Variants in B3GALT1 observed in about 807,000 individuals in gnomAD.
B3GALT1 encodes UDP-Gal:betaGlcNAc beta 1,3-galactosyltransferase, polypeptide 1.
In B3GALT1, 10 loss-of-function variants were observed where a neutral mutation model predicts 23.2. The ratio of observed to expected loss-of-function variants is 0.43; its 90% CI spans 0.27 to 0.73. The LOEUF is 0.73. Among genes scored for constraint, B3GALT1 ranks in the 30% least tolerant of loss-of-function variants. The pLI is 0.21. For missense variants in B3GALT1, 299 were observed against 405.4 expected (o/e 0.74, Z 2.25); for synonymous variants, 156 against 141.5 (o/e 1.10, Z -0.73).
At chr2:167,512,570 A>ATATATATGTATATATATATG (rs1553463251) in intron 2 of B3GALT1, among the ~76,000 whole-genome samples, 1 of 91,162 alleles carries the variant, frequency 1.1e-5, no homozygotes, top group African/African-American at 4.8e-5. Context: ...ATATATATGT[A>ATATATATGTATATATATATG]TATATATATG....
intron 3 of B3GALT1, among the ~76,000 whole-genome samples, chr2:167,802,774 A>T (rs907163778): frequency 6.6e-6 from 1 of 152,220 alleles, no homozygotes; most frequent in Non-Finnish European, 1.5e-5. Flanking sequence ...CAACGCATGT[A>T]ATCCAAGAAG....
intron 3 of B3GALT1, among the ~76,000 whole-genome samples, chr2:167,654,293 G>A (rs921924127): frequency 6.6e-5 from 10 of 152,014 alleles, no homozygotes; most frequent in African/African-American, 1.2e-4. Context: ...GTCTCTCATC[G>A]GGTAGGACTA....
chr2:167,574,993 T>C lies in B3GALT1; in HGVS notation c.-409-71916T>C, dbSNP rs147394832. ...CCTAAATGCAGACTTTACAGCATAA[T>C]GTCTCTAGAATTAGATGGTCTATAC... On this transcript the variant is annotated intron_variant, in intron 2 of 4. Coordinates refer to ENST00000392690, the MANE Select transcript of B3GALT1 (RefSeq NM_020981.4). 7.5e-3 allele frequency among the ~76,000 whole-genome samples: 1,138 copies of C among 151,862 alleles called. 18 individuals carry two copies. The highest frequency in any genetic ancestry group is 0.025 in the African/African-American group (1,039 of 41,532).
intron 1 of B3GALT1, among the ~76,000 whole-genome samples, chr2:167,421,486 T>C (rs1369935407): frequency 6.6e-6 from 1 of 152,190 alleles, no homozygotes; most frequent in East Asian, 1.9e-4. Flanking sequence ...GTAGTTACTC[T>C]TTATAGGTAG....
intron 3 of B3GALT1, among the ~76,000 whole-genome samples, chr2:167,679,686 T>G (rs1289207669): frequency 1.3e-5 from 2 of 152,350 alleles, no homozygotes; most frequent in African/African-American, 4.8e-5. Flanking sequence ...TTTTACTAAC[T>G]GAATGACAGT....
intron 1 of B3GALT1, among the ~76,000 whole-genome samples, chr2:167,371,764 A>G (rs1697690334): frequency 6.6e-6 from 1 of 151,936 alleles, no homozygotes; most frequent in Non-Finnish European, 1.5e-5. Context: ...TGATCTATAT[A>G]TGTTTTTAAT....
chr2:167,575,586 C>T (rs1329787532), intron 2 of B3GALT1, among the ~76,000 whole-genome samples: 1 of 151,782 alleles, frequency 6.6e-6, no homozygotes. Context: ...TCTGCTTAAC[C>T]AGATTATCAT....
intron 3 of B3GALT1, among the ~76,000 whole-genome samples, chr2:167,755,892 T>C (rs7599585): frequency 0.044 from 6,727 of 151,908 alleles, 545 homozygotes; most frequent in African/African-American, 0.15. Flanking sequence ...GGAATATCAT[T>C]AGAGGCCAGG....
intron 2 of B3GALT1, among the ~76,000 whole-genome samples, chr2:167,536,764 C>T (rs930737211): frequency 1.3e-5 from 2 of 152,140 alleles, no homozygotes; most frequent in Admixed American, 1.3e-4. Flanking sequence ...TACCCAGGCC[C>T]CTCCACTCTG....
chr2:167,516,795 C>T (rs1700104944), intron 2 of B3GALT1, among the ~76,000 whole-genome samples: 1 of 151,908 alleles, frequency 6.6e-6, no homozygotes, highest in South Asian at 2.1e-4. Flanking sequence ...ACATGTAATG[C>T]TGCAGCCATA....
At chr2:167,677,740 C>T (rs1158589101) in intron 3 of B3GALT1, among the ~76,000 whole-genome samples, 2 of 152,142 alleles carry the variant, frequency 1.3e-5, no homozygotes, top group East Asian at 3.9e-4. Context: ...GCTATAAGGA[C>T]CTACCCAAGA....
chr2:167,321,077 T>A (rs72886309), intron 1 of B3GALT1, among the ~76,000 whole-genome samples: 1 of 152,014 alleles, frequency 6.6e-6, no homozygotes, highest in Non-Finnish European at 1.5e-5. Flanking sequence ...AAATCTAAAA[T>A]GTAAGAGTAA....
chr2:167,710,695 G>A (rs1248745169), intron 3 of B3GALT1, among the ~76,000 whole-genome samples: 3 of 152,178 alleles, frequency 2.0e-5, no homozygotes, highest in African/African-American at 7.2e-5. Context: ...TTGCAGAGCT[G>A]GGAATATTTT....
chr2:167,711,359 C>T (rs1687045442), intron 3 of B3GALT1, among the ~76,000 whole-genome samples: 1 of 152,112 alleles, frequency 6.6e-6, no homozygotes, highest in Admixed American at 6.5e-5. Flanking sequence ...TAACCCAGCA[C>T]CTGCATTAAT....
At chr2:167,360,694 G>A (rs2617391) in intron 1 of B3GALT1, among the ~76,000 whole-genome samples, 128,530 of 152,150 alleles carry the variant, frequency 0.84, 54,994 homozygotes, top group East Asian at 0.93. Flanking sequence ...AGGATAATTT[G>A]GTTATCTTTT....
chr2:167,541,423 C>T (rs1369175963), intron 2 of B3GALT1, among the ~76,000 whole-genome samples: 1 of 152,082 alleles, frequency 6.6e-6, no homozygotes, highest in South Asian at 2.1e-4. Flanking sequence ...GTGGCCTTTT[C>T]TTTGTACCAC....
At chr2:167,314,163 C>T (rs1696675177) in intron 1 of B3GALT1, among the ~76,000 whole-genome samples, 1 of 151,858 alleles carries the variant, frequency 6.6e-6, no homozygotes, top group African/African-American at 2.4e-5. Flanking sequence ...TGCTGCTTGG[C>T]ACAGGTTTCC....
rs570557575 is a variant in B3GALT1 at position 167,715,045 on chromosome 2, T to C, written c.-352+68079T>C. 4 of 1,611,792 alleles carry C rather than the reference T, an allele frequency of 2.5e-6. No individual in the cohort carries two copies. The Admixed American group carries it at 6.7e-5, about 27-fold the overall frequency. On this transcript the variant is annotated intron_variant, in intron 3 of 4. Coordinates refer to ENST00000392690, the MANE Select transcript of B3GALT1 (RefSeq NM_020981.4). ...CTTCCTTTGTTTTGTCCACTTCAGATAACTGAATAATAATGTGGTTTCTTT... is the reference window on the plus strand; with the variant it reads ...CTTCCTTTGTTTTGTCCACTTCAGACAACTGAATAATAATGTGGTTTCTTT...
Position 167,346,254 on chromosome 2 carries a change from A to G in B3GALT1, c.-511+52920A>G, listed in dbSNP as rs548248700. Among the ~76,000 whole-genome samples the G allele has an allele frequency of 1.2e-3, 189 of 152,202 alleles. 1 individual carries two copies. The highest frequency in any genetic ancestry group is 1.9e-3 in the Non-Finnish European group (130 of 68,010). ...AGTTCACCCATTGAGTATGCCCCAC[A>G]CCCACTCTAGGGTATAACACCCTCA... On this transcript the variant is annotated intron_variant, in intron 1 of 4. Transcript: ENST00000392690.
Sources: allele counts gnomAD v4.1 joint callset (sites outside exome capture counted in the v4.1 genomes callset), GRCh38; gene constraint gnomAD v4.1.1; transcripts MANE v1.5; gene names NCBI Gene and HGNC (gene_info 2026-07-23, HGNC 2026-07-21).